Variants in ERBB4 observed in about 807,000 individuals in gnomAD.
ERBB4 encodes receptor tyrosine-protein kinase erbB-4.
ERBB4 carries 42 observed loss-of-function variants against 158.0 expected under a neutral mutation model. The observed-to-expected ratio is 0.27, with a 90% CI of 0.21 to 0.34. The LOEUF (loss-of-function observed/expected upper bound fraction) is 0.34, where lower values mean the gene tolerates loss of function less well. Ranked by LOEUF, ERBB4 falls within the 10% of genes least tolerant of loss-of-function variation. The pLI is 1.00. For synonymous variants in ERBB4, 583 were observed against 558.7 expected (o/e 1.04, Z -0.61); for missense variants, 1,333 against 1,624.1 (o/e 0.82, Z 3.08).
intron 3 of ERBB4, among the ~76,000 whole-genome samples, chr2:211,893,752 A>C (rs2079029023): frequency 8.2e-6 from 1 of 121,834 alleles, no homozygotes; most frequent in South Asian, 2.7e-4. Flanking sequence ...TGGGCGAAGG[A>C]CATGAACAGA....
intron 3 of ERBB4, among the ~76,000 whole-genome samples, chr2:211,900,383 C>T (rs1272563598): frequency 6.6e-6 from 1 of 151,692 alleles, no homozygotes; most frequent in East Asian, 1.9e-4. Context: ...AACACACACA[C>T]ACACACACAC....
intron 1 of ERBB4, among the ~76,000 whole-genome samples, chr2:212,392,838 T>C (rs984208821): frequency 6.6e-6 from 1 of 152,076 alleles, no homozygotes. Flanking sequence ...TCTGCTAAGA[T>C]GATATTCTCT....
In ERBB4 at chr2:212,113,777, T is replaced by C. The variant is rs575712458; in HGVS notation, c.234+10975A>G. On this transcript the variant is annotated intron_variant, in intron 2 of 27. Coordinates refer to ENST00000342788, the MANE Select transcript of ERBB4 (RefSeq NM_005235.3). Reference sequence around the variant, plus strand: ...AGGTTTCTATGTAAGAGTGTAAATATATAAGCTAAGTATCCCATGTTTCCA... The same window carrying C: ...AGGTTTCTATGTAAGAGTGTAAATACATAAGCTAAGTATCCCATGTTTCCA... Among the ~76,000 whole-genome samples the C allele has an allele frequency of 7.9e-5, 12 of 152,128 alleles. No individual in the cohort carries two copies. In the South Asian group the frequency reaches 2.5e-3, roughly 32 times the overall value.
intron 1 of ERBB4, among the ~76,000 whole-genome samples, chr2:212,169,012 C>T (rs1481357392): frequency 6.6e-6 from 1 of 152,074 alleles, no homozygotes. Flanking sequence ...TATTTAAATT[C>T]TGATGCTATT....
intron 21 of ERBB4, among the ~76,000 whole-genome samples, chr2:211,429,181 G>A (rs1231717034): frequency 6.6e-6 from 1 of 151,976 alleles, no homozygotes; most frequent in Non-Finnish European, 1.5e-5. Context: ...CTAAAAATGT[G>A]TTTATAGTTT....
rs144532499 is a variant in ERBB4, at chr2:212,326,868, T to C, written c.83-201965A>G. On this transcript the variant is annotated intron_variant, in intron 1 of 27. Transcript: ENST00000342788. ...GTATGTGTATGTCTGTCTGTAAGGA[T>C]AGAGAATGGCTGAAAATTCACAGGT... Among the ~76,000 whole-genome samples, 111 of 151,194 alleles carry C rather than the reference T, an allele frequency of 7.3e-4. 2 individuals carry two copies. The highest frequency in any genetic ancestry group is 2.5e-3 in the African/African-American group (104 of 41,484).
chr2:212,010,513 A>C (rs1475526069), intron 2 of ERBB4, among the ~76,000 whole-genome samples: 1 of 152,208 alleles, frequency 6.6e-6, no homozygotes. Flanking sequence ...AACAAAGATC[A>C]CATGCTTCTG....
intron 20 of ERBB4, among the ~76,000 whole-genome samples, chr2:211,492,018 G>T (rs886926090): frequency 4.6e-5 from 7 of 151,534 alleles, no homozygotes; most frequent in Admixed American, 4.0e-4. Flanking sequence ...ATCACACAGT[G>T]GCTAATTCAG....
intron 1 of ERBB4, among the ~76,000 whole-genome samples, chr2:212,424,721 T>TTTTG (rs545435883): frequency 6.6e-6 from 1 of 152,118 alleles, no homozygotes; most frequent in Non-Finnish European, 1.5e-5. Context: ...TGTTTTCTTT[T>TTTTG]TTTGTTTGTT....
chr2:212,406,103 T>A (rs2091336631), intron 1 of ERBB4, among the ~76,000 whole-genome samples: 1 of 152,074 alleles, frequency 6.6e-6, no homozygotes, highest in African/African-American at 2.4e-5. Context: ...AGTAATACAT[T>A]TGATCAATTT....
At chr2:211,523,557 T>C (rs57250568) in intron 20 of ERBB4, among the ~76,000 whole-genome samples, 18,370 of 151,530 alleles carry the variant, frequency 0.12, 1,917 homozygotes, top group African/African-American at 0.29. Flanking sequence ...CGTGGTCTCC[T>C]AGGCTCAGGA....
chr2:211,946,543 C>A (rs1364885767), intron 3 of ERBB4, among the ~76,000 whole-genome samples: 2 of 136,844 alleles, frequency 1.5e-5, no homozygotes, highest in Non-Finnish European at 3.1e-5. Context: ...CTTTATCCTA[C>A]AGTTAGGTAC....
At chr2:212,401,816 G>C (rs573504589) in intron 1 of ERBB4, among the ~76,000 whole-genome samples, 7 of 152,034 alleles carry the variant, frequency 4.6e-5, no homozygotes, top group Admixed American at 4.6e-4. Context: ...CATAATTATT[G>C]AAAACTCGGG....
At chr2:212,520,044 ATTAT>A (rs1193693320) in intron 1 of ERBB4, among the ~76,000 whole-genome samples, 1 of 151,226 alleles carries the variant, frequency 6.6e-6, no homozygotes, top group Non-Finnish European at 1.5e-5. Context: ...ATGGACAATT[ATTAT>A]TTATCAACCA....
chr2:212,480,321 A>G (rs111925112), intron 1 of ERBB4, among the ~76,000 whole-genome samples: 4 of 152,218 alleles, frequency 2.6e-5, no homozygotes, highest in African/African-American at 9.6e-5. Flanking sequence ...AGCTTGGCAC[A>G]TTGAAAAAAC....
chr2:211,752,333 T>G (rs967948978), intron 4 of ERBB4, among the ~76,000 whole-genome samples: 1 of 151,772 alleles, frequency 6.6e-6, no homozygotes, highest in African/African-American at 2.4e-5. Context: ...TTTCTTAGAT[T>G]TGGTATAATC....
intron 1 of ERBB4, among the ~76,000 whole-genome samples, chr2:212,180,004 T>C (rs1280116613): frequency 6.6e-6 from 1 of 151,702 alleles, no homozygotes. Context: ...TACAATTATT[T>C]GATGCATATT....
chr2:212,152,101 G>T (rs564075476), intron 1 of ERBB4, among the ~76,000 whole-genome samples: 1 of 151,908 alleles, frequency 6.6e-6, no homozygotes, highest in East Asian at 1.9e-4. Context: ...TAGATCATAA[G>T]GCTCTATTGT....
intron 2 of ERBB4, among the ~76,000 whole-genome samples, chr2:212,000,027 A>G (rs17337014): frequency 0.09 from 13,674 of 151,766 alleles, 615 homozygotes; most frequent in South Asian, 0.15. Context: ...ATTCCTTTCT[A>G]AAGTATATTG....
Sources: allele counts gnomAD v4.1 joint callset (sites outside exome capture counted in the v4.1 genomes callset), GRCh38; gene constraint gnomAD v4.1.1; transcripts MANE v1.5; gene names NCBI Gene and HGNC (gene_info 2026-07-23, HGNC 2026-07-21).